PSTPIP2: variants seen among roughly 807,000 people sequenced by gnomAD.
PSTPIP2 encodes the protein proline-serine-threonine phosphatase-interacting protein 2.
Under a neutral mutation model 63.3 loss-of-function variants are expected in PSTPIP2, and 33 were observed. The ratio of observed to expected loss-of-function variants is 0.52; its 90% confidence interval spans 0.40 to 0.70. The LOEUF (loss-of-function observed/expected upper bound fraction) is 0.70. Ranked by LOEUF, PSTPIP2 falls within the 30% of genes least tolerant of loss-of-function variation. The probability of loss-of-function intolerance (pLI) is 0.00; values close to 1 mark genes in which losing one functional copy is unlikely to be tolerated. For missense variants in PSTPIP2, 312 were observed against 400.7 expected, an observed-to-expected ratio of 0.78 and a Z score of 1.89; for synonymous variants, 125 against 132.7, an observed-to-expected ratio of 0.94 and a Z score of 0.40.
chr18:46,048,349 A>C (rs1043086792), intron 1 of PSTPIP2, among the ~76,000 whole-genome samples: 1 of 152,238 alleles, frequency 6.6e-6, no homozygotes, highest in Admixed American at 6.5e-5. Context: ...TGACAACTCA[A>C]TTCTAGCCAA....
At chr18:46,023,391 T>C (rs540292306) in intron 3 of PSTPIP2, among the ~76,000 whole-genome samples, 2 of 152,158 alleles carry the variant, frequency 1.3e-5, no homozygotes, top group South Asian at 2.1e-4. Context: ...AGAAACCTCT[T>C]CTCTACTAAA....
intron 1 of PSTPIP2, among the ~76,000 whole-genome samples, chr18:46,049,082 G>A (rs1485010537): frequency 6.7e-6 from 1 of 148,262 alleles, no homozygotes; most frequent in Admixed American, 6.8e-5. Flanking sequence ...AGAGAGAAAG[G>A]GACAGAACTT....
chr18:46,069,554 C>G (rs1440847141), intron 1 of PSTPIP2, among the ~76,000 whole-genome samples: 1 of 152,168 alleles, frequency 6.6e-6, no homozygotes, highest in Non-Finnish European at 1.5e-5. Context: ...GTAGCTGGGA[C>G]TACAGGCACA....
chr18:46,030,594 G>A (rs2144102284), intron 2 of PSTPIP2, among the ~76,000 whole-genome samples: 1 of 152,262 alleles, frequency 6.6e-6, no homozygotes, highest in Non-Finnish European at 1.5e-5. Context: ...ATGAATTTGA[G>A]GCTCAATAAT....
In PSTPIP2 at chr18:46,072,249, C is replaced by T. The variant is rs1909423766; in HGVS notation, c.-61G>A. ...CGCAGGTAGCACAGAGCGGGGAGGC[C>T]TGACTGCCACTGCCCGCGGCTCCGC... On this transcript the variant is annotated 5_prime_UTR_variant, in exon 1 of 15. Transcript: ENST00000409746. 2.6e-6 allele frequency: 4 copies of T among 1,510,930 alleles called. No homozygotes were observed. The highest frequency in any genetic ancestry group is 1.4e-5 in the African/African-American group (1 of 69,656). The allele number at this position is 1,510,930 out of a possible 1,614,324, so 93.6% of individuals were successfully genotyped here. A position where few individuals can be genotyped will look rare whatever the true frequency, so the allele number is the denominator to read the frequency against.
chr18:45,984,963 A>G lies in PSTPIP2; in HGVS notation c.*496T>C, dbSNP rs1280603003. ...TTGTAGGCTTTATTTCCTCATCTGT[A>G]AAATGAGAAAGTATGATCAGGCGGC... is the stretch of plus-strand genomic sequence containing the variant. On this transcript the variant is annotated 3_prime_UTR_variant, in exon 15 of 15. Transcript: ENST00000409746. 1.2e-5 allele frequency: 2 copies of G among 160,302 alleles called. No individual in the cohort carries two copies. The highest frequency in any genetic ancestry group is 4.8e-5 in the African/African-American group (2 of 41,520). 9.9% of individuals were successfully genotyped at this position (160,302 alleles called of 1,614,324 possible).
At chr18:46,054,700 G>A (rs1312442044) in intron 1 of PSTPIP2, among the ~76,000 whole-genome samples, 11 of 144,484 alleles carry the variant, frequency 7.6e-5, no homozygotes, top group South Asian at 2.1e-4. Flanking sequence ...TTGCTCTGTC[G>A]CCCAGGTTGG....
chr18:46,069,241 T>TC (rs1909306435), intron 1 of PSTPIP2, among the ~76,000 whole-genome samples: 1 of 152,200 alleles, frequency 6.6e-6, no homozygotes, highest in Admixed American at 6.5e-5. Context: ...GACACTGGTG[T>TC]CTGATCATCC....
intron 9 of PSTPIP2, among the ~76,000 whole-genome samples, chr18:45,997,369 A>G (rs2051608095): frequency 6.6e-6 from 1 of 151,966 alleles, no homozygotes; most frequent in Non-Finnish European, 1.5e-5. Flanking sequence ...TTGTATTTTT[A>G]GTAGAGACAG....
intron 1 of PSTPIP2, among the ~76,000 whole-genome samples, chr18:46,068,243 G>A (rs1204570719): frequency 6.6e-6 from 1 of 152,108 alleles, no homozygotes; most frequent in Non-Finnish European, 1.5e-5. Flanking sequence ...ATGTGTGTAG[G>A]TTATATGTAA....
intron 1 of PSTPIP2, among the ~76,000 whole-genome samples, chr18:46,046,839 C>T (rs111346529): frequency 0.017 from 2,624 of 152,332 alleles, 72 homozygotes; most frequent in African/African-American, 0.06. Context: ...CCAGAGAGCC[C>T]CACTAGAACA....
At chr18:45,999,394 G>C in intron 7 of PSTPIP2, 42 bp downstream of exon 7, 32 of 1,569,504 alleles carry the variant, frequency 2.0e-5, no homozygotes, top group Non-Finnish European at 2.6e-5. Flanking sequence ...GCCTGACATA[G>C]GTCAGTCTCA....
chr18:46,020,651 C>CA (rs377491755), intron 3 of PSTPIP2, among the ~76,000 whole-genome samples: 73 of 148,866 alleles, frequency 4.9e-4, no homozygotes, highest in Middle Eastern at 3.5e-3. Flanking sequence ...GACTCCATCT[C>CA]AAAAAAAAAA....
chr18:46,071,500 C>T (rs1909391825), intron 1 of PSTPIP2, among the ~76,000 whole-genome samples: 5 of 152,086 alleles, frequency 3.3e-5, no homozygotes, highest in Non-Finnish European at 7.4e-5. Context: ...TATAGGGTCT[C>T]CCACACCATC....
At chr18:46,046,578 T>A (rs913155541) in intron 1 of PSTPIP2, among the ~76,000 whole-genome samples, 1 of 152,124 alleles carries the variant, frequency 6.6e-6, no homozygotes, top group Admixed American at 6.5e-5. Flanking sequence ...AGTTTGACAA[T>A]TGTGGCCATA....
chr18:46,047,237 G>A (rs957700762), intron 1 of PSTPIP2, among the ~76,000 whole-genome samples: 2 of 152,020 alleles, frequency 1.3e-5, no homozygotes, highest in Non-Finnish European at 2.9e-5. Context: ...ACAACCAAAC[G>A]GATCAAATTC....
Position 46,057,385 on chromosome 18 carries a change from T to C in PSTPIP2, c.33+14771A>G, listed in dbSNP as rs189219396. ...TGTCGTCACCCAGGCTGGAGTACAA[T>C]GGCGCAGTCTCAGCTCACTGCAACC... On this transcript the variant is annotated intron_variant, in intron 1 of 14. Transcript: ENST00000409746. Among the ~76,000 whole-genome samples the C allele has an allele frequency of 5.9e-3, 897 of 151,746 alleles. 17 individuals are homozygous for C. Among genetic ancestry groups the C allele is most frequent in the Admixed American group, 0.034 (522 of 15,280 alleles).
chr18:46,043,456 A>C (rs140492882), intron 1 of PSTPIP2, among the ~76,000 whole-genome samples: 1 of 152,220 alleles, frequency 6.6e-6, no homozygotes, highest in African/African-American at 2.4e-5. Context: ...GAAAGACTTC[A>C]ATACCACCTC....
chr18:46,051,652 C>T (rs935339800), intron 1 of PSTPIP2, among the ~76,000 whole-genome samples: 2 of 152,124 alleles, frequency 1.3e-5, no homozygotes, highest in African/African-American at 4.8e-5. Flanking sequence ...CCCATCTAAA[C>T]ATCAACATGA....
Sources: gnomAD v4.1 joint callset for allele counts (sites outside exome capture counted in the v4.1 genomes callset) on GRCh38, gnomAD v4.1.1 for gene constraint, MANE v1.5 for transcripts, NCBI Gene and HGNC (gene_info 2026-07-23, HGNC 2026-07-21) for gene names.